The following THSD4 variants were observed in gnomAD, a reference collection of about 807,000 sequenced individuals.
THSD4 encodes thrombospondin type 1 domain containing 4, also known as thrombospondin type-1 domain-containing protein 4.
In THSD4, 69 loss-of-function variants were observed where a neutral mutation model predicts 119.0. That is an observed-to-expected ratio of 0.58 (90% CI 0.48 to 0.71). The LOEUF is 0.71. THSD4 is among the 30% of genes least tolerant of loss of function. The pLI is 0.00. For synonymous variants in THSD4, 524 were observed against 540.4 expected (o/e 0.97, Z 0.42); for missense variants, 1,393 against 1,391.1 (o/e 1.00, Z -0.02).
chr15:71,423,913 C>A (rs2046838640), intron 7 of THSD4, among the ~76,000 whole-genome samples: 1 of 152,156 alleles, frequency 6.6e-6, no homozygotes, highest in African/African-American at 2.4e-5. Flanking sequence ...CCCTCCATGG[C>A]AACAGCTGGG....
At chr15:71,655,270 G>A (rs568149738) in intron 7 of THSD4, among the ~76,000 whole-genome samples, 33 of 152,296 alleles carry the variant, frequency 2.2e-4, no homozygotes, top group African/African-American at 6.7e-4. Context: ...GACAGGTACC[G>A]TTTGAGCAGT....
intron 7 of THSD4, among the ~76,000 whole-genome samples, chr15:71,628,611 C>T (rs961007835): frequency 6.6e-6 from 1 of 152,160 alleles, no homozygotes; most frequent in East Asian, 1.9e-4. Flanking sequence ...GCCTGAGGTT[C>T]TGCATTTTTA....
At chr15:71,552,056 G>GA (rs1385610781) in intron 7 of THSD4, among the ~76,000 whole-genome samples, 1 of 69,030 alleles carries the variant, frequency 1.4e-5, no homozygotes, top group Non-Finnish European at 4.5e-5. Flanking sequence ...TGGGAAAAGA[G>GA]GGGGAGCATT....
chr15:71,670,694 G>A (rs2051507915), intron 8 of THSD4, among the ~76,000 whole-genome samples: 1 of 151,050 alleles, frequency 6.6e-6, no homozygotes, highest in South Asian at 2.1e-4. Flanking sequence ...CCCATCCTGT[G>A]TCCAAGTGTT....
chr15:71,143,042 T>G (rs2040620202), intron 2 of THSD4, among the ~76,000 whole-genome samples: 1 of 152,176 alleles, frequency 6.6e-6, no homozygotes, highest in Admixed American at 6.5e-5. Context: ...GCTTGTATAA[T>G]TTTACATGGG....
intron 7 of THSD4, among the ~76,000 whole-genome samples, chr15:71,574,366 A>G (rs1046824391): frequency 6.6e-5 from 10 of 152,126 alleles, no homozygotes; most frequent in African/African-American, 2.4e-4. Flanking sequence ...GAAACACTAA[A>G]CTATTTTTCA....
At chr15:71,507,921 T>C (rs2140747670) in intron 7 of THSD4, among the ~76,000 whole-genome samples, 1 of 152,288 alleles carries the variant, frequency 6.6e-6, no homozygotes, top group Non-Finnish European at 1.5e-5. Flanking sequence ...TTCTAATAAC[T>C]TTTGTTGGGT....
chr15:71,148,903 T>C (rs74021941), intron 2 of THSD4, among the ~76,000 whole-genome samples: 3,164 of 152,266 alleles, frequency 0.021, 106 homozygotes, highest in African/African-American at 0.072. Context: ...ATTCCTCACC[T>C]GCAAAATGGG....
chr15:71,381,538 C>G (rs1294751827), intron 6 of THSD4, among the ~76,000 whole-genome samples: 1 of 152,178 alleles, frequency 6.6e-6, no homozygotes, highest in East Asian at 1.9e-4. Context: ...TTAAGGTTGT[C>G]AGAAACCTGT....
chr15:71,127,866 G>A (rs147100122), intron 1 of THSD4, among the ~76,000 whole-genome samples: 148 of 152,238 alleles, frequency 9.7e-4, no homozygotes, highest in African/African-American at 3.5e-3. Flanking sequence ...TCTGTGGGTT[G>A]TCTCTTTACA....
At chr15:71,365,001 A>G (rs1299942538) in intron 6 of THSD4, among the ~76,000 whole-genome samples, 1 of 152,048 alleles carries the variant, frequency 6.6e-6, no homozygotes, top group Non-Finnish European at 1.5e-5. Flanking sequence ...TAAGAATTCT[A>G]TTGTTTTGGC....
chr15:71,188,293 G>T (rs1316630494), intron 3 of THSD4, among the ~76,000 whole-genome samples: 1 of 152,090 alleles, frequency 6.6e-6, no homozygotes, highest in Non-Finnish European at 1.5e-5. Flanking sequence ...GGGGAGAGAG[G>T]CTGGCGAAGG....
chr15:71,258,191 G>C (rs919851243), intron 6 of THSD4, among the ~76,000 whole-genome samples: 4 of 152,070 alleles, frequency 2.6e-5, no homozygotes, highest in Non-Finnish European at 5.9e-5. Context: ...TTTTTGTTTT[G>C]TTTTTGAGGT....
intron 7 of THSD4, among the ~76,000 whole-genome samples, chr15:71,526,609 T>A (rs943054295): frequency 2.6e-5 from 4 of 152,172 alleles, no homozygotes; most frequent in South Asian, 2.1e-4. Flanking sequence ...TCTCTTGGCA[T>A]GTTTATGGGT....
Position 71,782,895 on chromosome 15 carries a change from G to A in THSD4, c.*5521G>A, listed in dbSNP as rs901219086. On this transcript the variant is annotated 3_prime_UTR_variant, in exon 18 of 18. Coordinates refer to ENST00000261862, the MANE Select transcript of THSD4 (RefSeq NM_024817.3). The stretch of plus-strand genomic sequence containing the variant: ...ATCCCTTTCTCTTTGCTTTGTCCCC[G>A]TTGTTAGACTGGCAGCGTCAGTTGC... 1.3e-5 allele frequency: 2 copies of A among 152,194 alleles called. No homozygotes were observed. The highest frequency in any genetic ancestry group is 2.1e-4 in the South Asian group (1 of 4,818). 9.4% of individuals were successfully genotyped at this position (152,194 alleles called of 1,614,324 possible).
chr15:71,454,666 C>T (rs1177253589), intron 7 of THSD4, among the ~76,000 whole-genome samples: 4 of 152,236 alleles, frequency 2.6e-5, no homozygotes, highest in Non-Finnish European at 5.9e-5. Flanking sequence ...AGGAAAAGCA[C>T]AGCCCGTTAA....
intron 7 of THSD4, among the ~76,000 whole-genome samples, chr15:71,466,194 A>C (rs1047315662): frequency 6.6e-6 from 1 of 151,034 alleles, no homozygotes; most frequent in Non-Finnish European, 1.5e-5. Flanking sequence ...CTAAAAATAC[A>C]AAAAAAAATT....
At chr15:71,259,199 T>C (rs1313257298) in intron 6 of THSD4, among the ~76,000 whole-genome samples, 1 of 149,494 alleles carries the variant, frequency 6.7e-6, no homozygotes, top group East Asian at 2.0e-4. Context: ...AAGACAGAGA[T>C]TGGAGTGATG....
chr15:71,586,975 C>A (rs1016670290), intron 7 of THSD4, among the ~76,000 whole-genome samples: 15 of 152,192 alleles, frequency 9.9e-5, no homozygotes, highest in African/African-American at 3.6e-4. Flanking sequence ...GTTTTCAAAG[C>A]ACTTTTATAG....
Sources: allele counts gnomAD v4.1 joint callset (sites outside exome capture counted in the v4.1 genomes callset), GRCh38; gene constraint gnomAD v4.1.1; transcripts MANE v1.5; gene names NCBI Gene and HGNC (gene_info 2026-07-23, HGNC 2026-07-21).